Variants in ZC3H7B observed in about 807,000 individuals in gnomAD.
ZC3H7B encodes zinc finger CCCH-type containing 7B.
A neutral mutation model predicts 116.0 loss-of-function variants in ZC3H7B; 35 were observed. The ratio of observed to expected loss-of-function variants is 0.30; its 90% CI spans 0.23 to 0.40. ZC3H7B has a LOEUF of 0.40. ZC3H7B is among the 10% of genes least tolerant of loss of function. The pLI, the probability that ZC3H7B is intolerant of heterozygous loss-of-function variation, is 1.00. For missense variants in ZC3H7B, 1,011 were observed against 1,321.5 expected, an observed-to-expected ratio of 0.77 and a Z score of 3.64; for synonymous variants, 502 against 545.6, an observed-to-expected ratio of 0.92 and a Z score of 1.11.
At chr22:41,320,552 G>GA (rs2036242113) in intron 1 of ZC3H7B, 103 bp from the exon 2 acceptor site, 1 of 1,292,218 alleles carries the variant, frequency 7.7e-7, no homozygotes, top group African/African-American at 1.5e-5. Context: ...AAGGGAATGA[G>GA]AGTGGGAGTG....
chr22:41,341,158 G>C lies in ZC3H7B; in HGVS notation c.1197+12G>C. The C allele has an allele frequency of 6.2e-7, 1 of 1,613,900 alleles. No individual in the cohort carries two copies. The highest frequency in any genetic ancestry group is 8.5e-7 in the Non-Finnish European group (1 of 1,179,872). On this transcript the variant is annotated intron_variant, in intron 11 of 22. Coordinates refer to ENST00000352645, the MANE Select transcript of ZC3H7B (RefSeq NM_017590.6). ...AACCAGCCCCCTCGGTGAGTGACTT[G>C]AGTGGGGATCCAGGCCTCTCATTCC... is the stretch of plus-strand genomic sequence containing the variant.
At chr22:41,319,784 T>G (rs1015332560) in intron 1 of ZC3H7B, among the ~76,000 whole-genome samples, 27 of 152,120 alleles carry the variant, frequency 1.8e-4, no homozygotes, top group African/African-American at 6.5e-4. Context: ...ATCCTAGCAC[T>G]CTGGGGGGCC....
chr22:41,340,334 C>T (rs1329742544), intron 10 of ZC3H7B, among the ~76,000 whole-genome samples, 197 bp downstream of exon 10: 4 of 151,964 alleles, frequency 2.6e-5, no homozygotes, highest in African/African-American at 7.3e-5. Context: ...GGGTGGGTGT[C>T]TTGTTCAAGA....
intron 4 of ZC3H7B, 114 bp downstream of exon 4, chr22:41,326,032 G>A: frequency 8.1e-7 from 1 of 1,239,954 alleles, no homozygotes; most frequent in Non-Finnish European, 1.1e-6. Context: ...CCTCCTCCCA[G>A]CCTGCTTTCA....
At chr22:41,309,238 C>T (rs1285483606) in intron 1 of ZC3H7B, among the ~76,000 whole-genome samples, 60 of 151,968 alleles carry the variant, frequency 3.9e-4, no homozygotes, top group Admixed American at 2.6e-3. Context: ...TCTCGATCTC[C>T]TGACCTCGTG....
At chr22:41,303,007 A>G (rs569480733) in intron 1 of ZC3H7B, among the ~76,000 whole-genome samples, 1 of 152,206 alleles carries the variant, frequency 6.6e-6, no homozygotes, top group Admixed American at 6.5e-5. Flanking sequence ...TTGAATTTTC[A>G]CACAAATGAG....
intron 1 of ZC3H7B, among the ~76,000 whole-genome samples, chr22:41,318,495 C>A (rs1321033821): frequency 6.9e-6 from 1 of 144,638 alleles, no homozygotes; most frequent in East Asian, 2.0e-4. Context: ...TGCCACTGCA[C>A]TCCAGCCTGG....
chr22:41,325,940 C>G (rs368026221), intron 4 of ZC3H7B, 22 bp downstream of exon 4: 2 of 1,581,158 alleles, frequency 1.3e-6, no homozygotes, highest in Non-Finnish European at 1.7e-6. Flanking sequence ...ACCCTCTTTT[C>G]TCTCCTCCTC....
intron 21 of ZC3H7B, 75 bp downstream of exon 21, chr22:41,356,551 G>A: frequency 6.2e-7 from 1 of 1,609,254 alleles, no homozygotes; most frequent in East Asian, 2.2e-5. Context: ...GGGGCAGCCT[G>A]GAGGGCCCAG....
chr22:41,319,569 A>T (rs1432909945), intron 1 of ZC3H7B, among the ~76,000 whole-genome samples: 2 of 115,124 alleles, frequency 1.7e-5, no homozygotes, highest in Admixed American at 8.3e-5. Context: ...GTCTCCGGCT[A>T]AAAAAAAAAA....
chr22:41,327,154 G>A lies in ZC3H7B; in HGVS notation c.286-52G>A. ...TCCTAGGCAGGGGCAGGAGGCCTGG[G>A]GGAGGGAGGGTAACAGGTGTTGACC... On this transcript the variant is annotated intron_variant, in intron 4 of 22. Coordinates refer to ENST00000352645, the MANE Select transcript of ZC3H7B (RefSeq NM_017590.6). The surrounding 1 kb of genome is among the most constrained non-coding windows in gnomAD (Gnocchi z 4.5). The A allele has an allele frequency of 1.3e-6, 2 of 1,597,924 alleles. No individual in the cohort carries two copies. Among genetic ancestry groups the A allele is most frequent in the Admixed American group, 1.7e-5 (1 of 59,482 alleles).
chr22:41,359,957 T>C lies in ZC3H7B; in HGVS notation c.*2528T>C, dbSNP rs1440542964. ...TTTCTCAGCTGGGCAGTAATCAATT[T>C]AATGGTCCTTTAAAATGTCTGTGTA... On this transcript the variant is annotated 3_prime_UTR_variant, in exon 23 of 23. Coordinates refer to ENST00000352645, the MANE Select transcript of ZC3H7B (RefSeq NM_017590.6). 1 of 152,586 alleles carries C rather than the reference T, an allele frequency of 6.6e-6. No homozygotes were observed. The highest frequency in any genetic ancestry group is 1.5e-5 in the Non-Finnish European group (1 of 68,030). 9.5% of individuals were successfully genotyped at this position (152,586 alleles called of 1,614,324 possible). A position where few individuals can be genotyped will look rare whatever the true frequency, so the allele number is the denominator to read the frequency against.
rs115561186 is a variant in ZC3H7B, at chr22:41,350,900, A to G, written c.1949-661A>G. Among the ~76,000 whole-genome samples, 830 of 152,342 alleles carry G rather than the reference A, an allele frequency of 5.4e-3. 7 individuals carry two copies. Among genetic ancestry groups the G allele is most frequent in the African/African-American group, 0.019 (784 of 41,568 alleles). ...TGTCGTGGAGCAGGGGCCATAGGTC[A>G]AGGTGGAAGGCCACATCTGTTGTGG... On this transcript the variant is annotated intron_variant, in intron 16 of 22. Coordinates refer to ENST00000352645, the MANE Select transcript of ZC3H7B (RefSeq NM_017590.6).
chr22:41,348,258 AAGGGTGGATGT>A, intron 15 of ZC3H7B, 91 bp downstream of exon 15: 1 of 1,167,238 alleles, frequency 8.6e-7, no homozygotes, highest in Non-Finnish European at 1.3e-6. Flanking sequence ...GCTGAACTGA[AAGGGTGGATGT>A]AGGGTGCAAG....
At chr22:41,311,626 T>C (rs981153164) in intron 1 of ZC3H7B, among the ~76,000 whole-genome samples, 5 of 151,814 alleles carry the variant, frequency 3.3e-5, no homozygotes, top group African/African-American at 1.2e-4. Context: ...ACCCAGAAGA[T>C]AAGAGATATG....
chr22:41,314,745 G>T (rs972585457), intron 1 of ZC3H7B, among the ~76,000 whole-genome samples: 2 of 151,514 alleles, frequency 1.3e-5, no homozygotes, highest in African/African-American at 4.9e-5. Context: ...AAGTAGCTGG[G>T]ACTACAGGCG....
chr22:41,343,485 C>T lies in ZC3H7B; in HGVS notation c.1368C>T (p.Gly456=), dbSNP rs772980294. The change falls in exon 13 of 23, where the codon GGC becomes GGT. Residue 456 remains glycine, a synonymous_variant. Transcript: ENST00000352645. ...AGTGCAAGCGGGACATCCTGCTCGG[C>T]CGGCTCCGGAGCTCGGAGGACCAGA... ...EHKCKRDILL[G]RLRSSEDQTW... The T allele has an allele frequency of 3.7e-6, 6 of 1,613,694 alleles. No individual in the cohort carries two copies. In the Admixed American group the frequency reaches 6.7e-5, roughly 18 times the overall value.
chr22:41,314,821 G>T (rs989192382), intron 1 of ZC3H7B, among the ~76,000 whole-genome samples: 4 of 144,996 alleles, frequency 2.8e-5, no homozygotes, highest in Admixed American at 2.1e-4. Context: ...TATTGGCTAG[G>T]CTGGTCTCAA....
At chr22:41,343,068 G>C (rs895273796) in intron 12 of ZC3H7B, among the ~76,000 whole-genome samples, 1 of 152,232 alleles carries the variant, frequency 6.6e-6, no homozygotes, top group Admixed American at 6.5e-5. Context: ...AGCTACTCGG[G>C]AGGCTGAGGC....
Sources: gnomAD v4.1 joint callset for allele counts (sites outside exome capture counted in the v4.1 genomes callset) on GRCh38, gnomAD v4.1.1 for gene constraint, Gnocchi (gnomAD v3.1) non-coding constraint, MANE v1.5 for transcripts, NCBI Gene and HGNC (gene_info 2026-07-23, HGNC 2026-07-21) for gene names.